Variants in SH3D19 observed in about 807,000 individuals in gnomAD.
SH3D19 encodes the protein SH3 domain-containing protein 19.
A neutral mutation model predicts 112.1 loss-of-function variants in SH3D19; 58 were observed. The observed-to-expected ratio is 0.52, with a 90% CI of 0.42 to 0.64. The LOEUF (loss-of-function observed/expected upper bound fraction) is 0.64. Among genes scored for constraint, SH3D19 ranks in the 30% least tolerant of loss-of-function variants. The pLI is 0.00. For synonymous variants in SH3D19, 391 were observed against 448.5 expected, an observed-to-expected ratio of 0.87 and a Z score of 1.62; for missense variants, 1,090 against 1,263.4, an observed-to-expected ratio of 0.86 and a Z score of 2.08.
chr4:151,291,172 G>A, intron 1 of SH3D19: 1 of 1,613,922 alleles, frequency 6.2e-7, no homozygotes, highest in Non-Finnish European at 8.5e-7. Context: ...GATCCAGACA[G>A]GAGTAGTAAG....
At chr4:151,189,712 T>C (rs1762343224) in intron 2 of SH3D19, among the ~76,000 whole-genome samples, 1 of 152,184 alleles carries the variant, frequency 6.6e-6, no homozygotes, top group African/African-American at 2.4e-5. Flanking sequence ...CATGTGGAAC[T>C]GTGAGTCCAA....
At chr4:151,186,161 G>C (rs1263789767) in intron 3 of SH3D19, among the ~76,000 whole-genome samples, 1 of 152,094 alleles carries the variant, frequency 6.6e-6, no homozygotes, top group East Asian at 1.9e-4. Context: ...TTCTAACACA[G>C]GCAATCCATG....
chr4:151,150,240 T>TATATATATACACACAC (rs1754745837), intron 9 of SH3D19, among the ~76,000 whole-genome samples: 1 of 39,222 alleles, frequency 2.5e-5, no homozygotes, highest in Admixed American at 4.2e-4. Context: ...CACACACACA[T>TATATATATACACACAC]ATATATATAT....
intron 1 of SH3D19, among the ~76,000 whole-genome samples, chr4:151,314,628 T>C (rs1281774034): frequency 2.0e-5 from 3 of 152,220 alleles, no homozygotes; most frequent in African/African-American, 7.2e-5. Flanking sequence ...AGTTAGAATC[T>C]ATCAGTTAGG....
intron 1 of SH3D19, among the ~76,000 whole-genome samples, chr4:151,303,439 C>A (rs944287063): frequency 2.0e-5 from 3 of 152,128 alleles, no homozygotes; most frequent in Non-Finnish European, 4.4e-5. Flanking sequence ...ATAATATGAG[C>A]AAGAAATATA....
intron 1 of SH3D19, among the ~76,000 whole-genome samples, chr4:151,283,576 G>C (rs1774459896): frequency 6.7e-6 from 1 of 149,080 alleles, no homozygotes; most frequent in African/African-American, 2.5e-5. Context: ...TGAGTACAGT[G>C]GCATGATCAT....
chr4:151,215,001 A>T (rs1169590139), intron 2 of SH3D19, among the ~76,000 whole-genome samples: 4 of 134,818 alleles, frequency 3.0e-5, no homozygotes, highest in Non-Finnish European at 6.4e-5. Context: ...CGGGGTCGCG[A>T]CCGGGCAGAG....
intron 2 of SH3D19, among the ~76,000 whole-genome samples, chr4:151,210,431 T>C (rs1471318752): frequency 6.8e-6 from 1 of 146,462 alleles, no homozygotes; most frequent in Non-Finnish European, 1.5e-5. Flanking sequence ...TGAGACAGAG[T>C]CTCGCTGTCA....
intron 2 of SH3D19, among the ~76,000 whole-genome samples, chr4:151,194,016 A>ATTTTTTTTT (rs201719037): frequency 8.0e-5 from 9 of 111,890 alleles, no homozygotes; most frequent in Non-Finnish European, 1.4e-4. Flanking sequence ...AGTAGGATTA[A>ATTTTTTTTT]TTTTTTTTTT....
intron 1 of SH3D19, among the ~76,000 whole-genome samples, chr4:151,313,403 G>GTATGTATT: frequency 6.7e-6 from 1 of 149,828 alleles, no homozygotes; most frequent in South Asian, 2.1e-4. Flanking sequence ...CATATTTTAT[G>GTATGTATT]TATTTATTTA....
At chr4:151,267,339 G>C (rs957042351) in intron 1 of SH3D19, among the ~76,000 whole-genome samples, 1 of 142,542 alleles carries the variant, frequency 7.0e-6, no homozygotes, top group African/African-American at 2.6e-5. Flanking sequence ...TGTTGTCAAA[G>C]AAAAAAAAAA....
intron 1 of SH3D19, among the ~76,000 whole-genome samples, chr4:151,232,261 C>A (rs1269598745): frequency 6.6e-6 from 1 of 152,114 alleles, no homozygotes; most frequent in Non-Finnish European, 1.5e-5. Flanking sequence ...CTGTTTTTAC[C>A]CTCATTTTAG....
rs113012255 is a variant in SH3D19, at chr4:151,149,502, C to T, written c.1815G>A (p.Pro605=). The T allele has an allele frequency of 2.5e-5, 40 of 1,609,822 alleles. 1 individual carries two copies. Among genetic ancestry groups the T allele is most frequent in the African/African-American group, 2.3e-4 (17 of 74,972 alleles). The change falls in exon 10 of 20, where the codon CCG becomes CCA. Residue 605 remains proline (P), a splice_region_variant and synonymous_variant. Coordinates refer to ENST00000604030, the MANE Select transcript of SH3D19 (RefSeq NM_001378122.1). ...GFVRVPPRLP[P]RPVNGKTIPT... ...TAACTTTTCCCACATTTACTTACCT[C>T]GGTGGCAACCTTGGGGGTACTCGCA...
At chr4:151,320,284 G>A (rs935221965) in intron 1 of SH3D19, among the ~76,000 whole-genome samples, 2 of 152,178 alleles carry the variant, frequency 1.3e-5, no homozygotes, top group Non-Finnish European at 2.9e-5. Flanking sequence ...ATGTTGGGAG[G>A]AGGATCCAGA....
intron 1 of SH3D19, among the ~76,000 whole-genome samples, chr4:151,299,970 G>T (rs1728206018): frequency 1.3e-5 from 2 of 152,172 alleles, no homozygotes; most frequent in South Asian, 4.1e-4. Context: ...GGGAGGCCAA[G>T]GCGGGCAGAT....
Position 151,159,231 on chromosome 4 carries a change from A to G in SH3D19, c.1755+9T>C. 6.9e-7 allele frequency: 1 copy of G among 1,450,074 alleles called. No individual in the cohort carries two copies. Among genetic ancestry groups the G allele is most frequent in the Non-Finnish European group, 9.3e-7 (1 of 1,076,050 alleles). The allele number at this position is 1,450,074 out of a possible 1,614,324, so 89.8% of individuals were successfully genotyped here. Reference sequence around the variant, plus strand: ...CTTCAATCTAGTACAATCTATAATGACCACTTACCAAGTTTCTAGTTCTCT... The same window carrying G: ...CTTCAATCTAGTACAATCTATAATGGCCACTTACCAAGTTTCTAGTTCTCT... On this transcript the variant is annotated intron_variant, in intron 9 of 19. Transcript: ENST00000604030.
chr4:151,255,374 C>A (rs1561405234), intron 1 of SH3D19, among the ~76,000 whole-genome samples: 2 of 151,146 alleles, frequency 1.3e-5, no homozygotes, highest in South Asian at 2.1e-4. Context: ...AGAGGTGCTC[C>A]TCACATCCCA....
chr4:151,237,700 G>A (rs1481598913), intron 1 of SH3D19, among the ~76,000 whole-genome samples: 1 of 152,176 alleles, frequency 6.6e-6, no homozygotes, highest in East Asian at 1.9e-4. Context: ...TTTGCTATGA[G>A]TAAGTGCTCA....
chr4:151,254,532 C>T (rs1771663074), intron 1 of SH3D19, among the ~76,000 whole-genome samples: 2 of 114,546 alleles, frequency 1.7e-5, no homozygotes, highest in East Asian at 4.5e-4. Context: ...TCTTAAGGAG[C>T]ATGCTGCCTT....
Sources: gnomAD v4.1 joint callset for allele counts (sites outside exome capture counted in the v4.1 genomes callset) on GRCh38, gnomAD v4.1.1 for gene constraint, MANE v1.5 for transcripts, NCBI Gene and HGNC (gene_info 2026-07-23, HGNC 2026-07-21) for gene names.